EPB41L4B: variants seen among roughly 807,000 people sequenced by gnomAD.
EPB41L4B encodes erythrocyte membrane protein band 4.1 like 4B, also known as band 4.1-like protein 4B.
EPB41L4B carries 30 observed loss-of-function variants against 112.5 expected under a neutral mutation model. The observed-to-expected ratio is 0.27, with a 90% CI of 0.20 to 0.36. The LOEUF is 0.36. Among genes scored for constraint, EPB41L4B ranks in the 10% least tolerant of loss-of-function variants. The pLI, the probability that EPB41L4B is intolerant of heterozygous loss-of-function variation, is 1.00. For missense variants in EPB41L4B, 1,024 were observed against 1,133.3 expected (o/e 0.90, Z 1.38); for synonymous variants, 408 against 439.7 (o/e 0.93, Z 0.90).
At chr9:109,206,840 C>T (rs1369284196) in intron 18 of EPB41L4B, among the ~76,000 whole-genome samples, 3 of 152,238 alleles carry the variant, frequency 2.0e-5, no homozygotes, top group Non-Finnish European at 4.4e-5. Context: ...ATGATAGGTT[C>T]TGTCCACATG....
intron 1 of EPB41L4B, among the ~76,000 whole-genome samples, chr9:109,305,209 G>C (rs1312822752): frequency 6.6e-6 from 1 of 151,674 alleles, no homozygotes; most frequent in African/African-American, 2.4e-5. Context: ...CGGGAAGGTG[G>C]GGTGGTGGGG....
chr9:109,265,670 T>TA (rs1835377030), intron 4 of EPB41L4B, among the ~76,000 whole-genome samples: 1 of 152,086 alleles, frequency 6.6e-6, no homozygotes, highest in Admixed American at 6.5e-5. Flanking sequence ...TTTACTCAAG[T>TA]AAAAAAATAA....
chr9:109,212,648 TC>T (rs1474631526), intron 17 of EPB41L4B, among the ~76,000 whole-genome samples: 1 of 152,078 alleles, frequency 6.6e-6, no homozygotes, highest in Non-Finnish European at 1.5e-5. Context: ...TTCTTCCTAT[TC>T]CCTCTCATAA....
At position 109,320,390 on chromosome 9, in the gene EPB41L4B, C is replaced by T. The variant is rs2119312750; in HGVS notation, c.57G>A (p.Arg19=). The part of the protein sequence containing the change: ...FGRRSMQRYA[R]GAAGRGAAGL... ...CGGCGGCCCCGCGCCCCGCCGCGCC[C>T]CGCGCGTAGCGCTGCATGGAGCGGC... Residue 19 remains arginine, a synonymous_variant, in exon 1 of 26, where the codon CGG becomes CGA. Coordinates refer to ENST00000374566, the MANE Select transcript of EPB41L4B (RefSeq NM_019114.5). 1.0e-6 allele frequency: 1 copy of T among 983,048 alleles called. No individual in the cohort carries two copies. The highest frequency in any genetic ancestry group is 1.2e-6 in the Non-Finnish European group (1 of 829,722). The allele number at this position is 983,048 out of a possible 1,614,324, so 60.9% of individuals were successfully genotyped here.
intron 18 of EPB41L4B, among the ~76,000 whole-genome samples, chr9:109,206,147 A>G (rs1832985113): frequency 6.6e-6 from 1 of 152,164 alleles, no homozygotes; most frequent in South Asian, 2.1e-4. Context: ...GATAGTTTTT[A>G]AAATTTATTT....
intron 4 of EPB41L4B, 60 bp from the exon 5 acceptor site, chr9:109,265,084 C>T (rs548305309): frequency 7.0e-7 from 1 of 1,423,352 alleles, no homozygotes; most frequent in African/African-American, 1.4e-5. Context: ...TCCCAATCCC[C>T]AGCTTCCCAC....
At chr9:109,286,468 A>C (rs184956212) in intron 1 of EPB41L4B, among the ~76,000 whole-genome samples, 1 of 152,228 alleles carries the variant, frequency 6.6e-6, no homozygotes, top group Non-Finnish European at 1.5e-5. Context: ...TTACCTAAGC[A>C]TAATTTTGTT....
intron 2 of EPB41L4B, among the ~76,000 whole-genome samples, chr9:109,270,771 A>G (rs564381788): frequency 6.6e-6 from 1 of 152,288 alleles, no homozygotes; most frequent in South Asian, 2.1e-4. Context: ...CTCTACTGTC[A>G]AAGTCTCATC....
At chr9:109,260,046 G>T (rs993023805) in intron 6 of EPB41L4B, among the ~76,000 whole-genome samples, 1 of 152,028 alleles carries the variant, frequency 6.6e-6, no homozygotes, top group African/African-American at 2.4e-5. Context: ...CAAGAGCCTC[G>T]CCTTGTGTCT....
chr9:109,183,960 G>A (rs962804790), intron 23 of EPB41L4B, among the ~76,000 whole-genome samples: 3 of 152,246 alleles, frequency 2.0e-5, no homozygotes, highest in African/African-American at 2.4e-5. Flanking sequence ...TCCTTGCCAC[G>A]TGTACTGAGA....
chr9:109,224,076 C>G (rs1225865617), intron 15 of EPB41L4B, among the ~76,000 whole-genome samples: 1 of 151,882 alleles, frequency 6.6e-6, no homozygotes, highest in Non-Finnish European at 1.5e-5. Flanking sequence ...AGGGGAAACT[C>G]CTATACACTG....
chr9:109,209,453 G>A (rs1833087072), intron 17 of EPB41L4B, among the ~76,000 whole-genome samples: 1 of 151,880 alleles, frequency 6.6e-6, no homozygotes, highest in African/African-American at 2.4e-5. Context: ...TTGAGCCCAG[G>A]AGTTGGAGAC....
At chr9:109,277,316 A>G (rs1835868958) in intron 2 of EPB41L4B, among the ~76,000 whole-genome samples, 2 of 12,930 alleles carry the variant, frequency 1.5e-4, no homozygotes, top group African/African-American at 1.1e-3. Context: ...GTAGACATGC[A>G]AAAAAAAAAA....
intron 1 of EPB41L4B, among the ~76,000 whole-genome samples, chr9:109,291,721 G>A (rs904342772): frequency 1.3e-5 from 2 of 152,160 alleles, no homozygotes; most frequent in Admixed American, 6.5e-5. Flanking sequence ...GTGCGAGTCC[G>A]TGGAAGGAGG....
At chr9:109,211,945 C>A (rs1833196100) in intron 17 of EPB41L4B, among the ~76,000 whole-genome samples, 1 of 151,626 alleles carries the variant, frequency 6.6e-6, no homozygotes. Context: ...GTCTTGAACT[C>A]CTGACCTCAA....
In EPB41L4B at chr9:109,320,414, G is replaced by A. The variant is rs1230137067; in HGVS notation, c.33C>T (p.Arg11=). Residue 11 remains arginine, a synonymous_variant, in exon 1 of 26, where the codon CGC becomes CGT. Coordinates refer to ENST00000374566, the MANE Select transcript of EPB41L4B (RefSeq NM_019114.5). ...CCCGCGCGTAGCGCTGCATGGAGCG[G>A]CGGCCAAAGGTCCGGCGCAGGAACC... is the stretch of plus-strand genomic sequence containing the variant. MLRFLRRTFG[R]RSMQRYARGA... 2 of 990,222 alleles carry A rather than the reference G, an allele frequency of 2.0e-6. No individual in the cohort carries two copies. Among genetic ancestry groups the A allele is most frequent in the Non-Finnish European group, 2.4e-6 (2 of 834,626 alleles). 61.3% of individuals were successfully genotyped at this position (990,222 alleles called of 1,614,324 possible). A position where few individuals can be genotyped will look rare whatever the true frequency, so the allele number is the denominator to read the frequency against.
rs367966184 is a variant in EPB41L4B at position 109,314,635 on chromosome 9, C to CCA, written c.306+5505_306+5506insTG. Among the ~76,000 whole-genome samples, 113 of 123,896 alleles carry CCA rather than the reference C, an allele frequency of 9.1e-4. 1 individual carries two copies. Among genetic ancestry groups the CCA allele is most frequent in the African/African-American group, 5.2e-3 (109 of 20,796 alleles). The allele number at this position is 123,896 out of a possible 152,430, so 81.3% of individuals were successfully genotyped here. The stretch of plus-strand genomic sequence containing the variant: ...AAGGGTGTTCATTACCCCTCTCTCA[C>CCA]CCCCCCCCACCTCAGCCTTTCTTTT... On this transcript the variant is annotated intron_variant, in intron 1 of 25. Coordinates refer to ENST00000374566, the MANE Select transcript of EPB41L4B (RefSeq NM_019114.5).
chr9:109,175,927 G>A (rs59888583), intron 25 of EPB41L4B, among the ~76,000 whole-genome samples: 8,814 of 152,084 alleles, frequency 0.058, 396 homozygotes, highest in Admixed American at 0.13. Flanking sequence ...GGTATCTGCA[G>A]CTTTCTCTAT....
At chr9:109,226,738 A>AGAATATATATATGAAGAATATATATATAT (rs1455530026) in intron 15 of EPB41L4B, among the ~76,000 whole-genome samples, 11 of 106,034 alleles carry the variant, frequency 1.0e-4, no homozygotes, top group South Asian at 3.5e-4. Flanking sequence ...ATATATATGA[A>AGAATATATATATGAAGAATATATATATAT]GAATATATAT....
Sources: gnomAD v4.1 joint callset for allele counts (sites outside exome capture counted in the v4.1 genomes callset) on GRCh38, gnomAD v4.1.1 for gene constraint, MANE v1.5 for transcripts, NCBI Gene and HGNC (gene_info 2026-07-23, HGNC 2026-07-21) for gene names.